TJP1: variants seen among roughly 807,000 people sequenced by gnomAD.
TJP1 encodes tight junction protein ZO-1.
A neutral mutation model predicts 194.2 loss-of-function variants in TJP1; 43 were observed. The ratio of observed to expected loss-of-function variants is 0.22; its 90% CI spans 0.17 to 0.29. TJP1 has a LOEUF of 0.29. Ranked by LOEUF, TJP1 falls within the 10% of genes least tolerant of loss-of-function variation. TJP1 has a pLI of 1.00. For synonymous variants in TJP1, 801 were observed against 779.0 expected (o/e 1.03, Z -0.47); for missense variants, 1,971 against 2,185.7 (o/e 0.90, Z 1.96).
At chr15:29,896,669 G>A (rs1281488302) in intron 2 of TJP1, among the ~76,000 whole-genome samples, 1 of 152,190 alleles carries the variant, frequency 6.6e-6, no homozygotes, top group Admixed American at 6.5e-5. Flanking sequence ...GACAAAAAAT[G>A]CTGATAGTGA....
chr15:29,860,299 C>T (rs1281966791), intron 2 of TJP1, among the ~76,000 whole-genome samples: 2 of 152,120 alleles, frequency 1.3e-5, no homozygotes, highest in South Asian at 2.1e-4. Flanking sequence ...TCCCTGGTTC[C>T]AGGGAGCAGA....
chr15:29,705,462 G>C, intron 26 of TJP1, 66 bp downstream of exon 26: 1 of 1,490,840 alleles, frequency 6.7e-7, no homozygotes, highest in Non-Finnish European at 9.2e-7. Flanking sequence ...AGCACTATAA[G>C]CTCTGAAGTG....
rs765955430 is a variant in TJP1 at position 29,732,729 on chromosome 15, C to T, written c.1823G>A (p.Arg608His). ...TTTTCGAAGATTTCTCTTGGAGCTG[C>T]GAAGACCTCTGAATCTCCAGAAGTC... ...RADFWRFRGLRSSKRNLRKSR... is the reference protein window; with the variant it reads ...RADFWRFRGLHSSKRNLRKSR... The change falls in exon 14 of 28, where the codon CGC becomes CAC. Residue 608 changes from arginine to histidine, a missense_variant. By Grantham distance (29) the Arg-to-His change is conservative (BLOSUM62 0). Coordinates refer to ENST00000614355, the MANE Select transcript of TJP1 (RefSeq NM_001330239.4). The T allele has an allele frequency of 6.2e-7, 1 of 1,614,142 alleles. No homozygotes were observed. The highest frequency in any genetic ancestry group is 8.5e-7 in the Non-Finnish European group (1 of 1,180,028).
chr15:29,741,479 T>G (rs1316917957), intron 9 of TJP1, 43 bp from the exon 10 acceptor site: 1 of 1,368,574 alleles, frequency 7.3e-7, no homozygotes, highest in African/African-American at 1.4e-5. Context: ...TAGAAAAACA[T>G]GGAATAATAA....
At chr15:29,799,276 T>C (rs2048620814) in intron 2 of TJP1, among the ~76,000 whole-genome samples, 2 of 152,318 alleles carry the variant, frequency 1.3e-5, no homozygotes, top group Admixed American at 1.3e-4. Context: ...GATTTAAATA[T>C]GCTACCTATC....
chr15:29,785,778 T>C (rs932390768), intron 2 of TJP1, among the ~76,000 whole-genome samples: 3 of 152,192 alleles, frequency 2.0e-5, no homozygotes, highest in Non-Finnish European at 4.4e-5. Context: ...TAGCCATTTG[T>C]TTTCACAGTG....
intron 2 of TJP1, among the ~76,000 whole-genome samples, chr15:29,884,221 C>T (rs987702732): frequency 5.9e-5 from 9 of 152,158 alleles, no homozygotes; most frequent in Non-Finnish European, 1.0e-4. Flanking sequence ...CTCATGTTAT[C>T]CTTTTAAAAT....
intron 2 of TJP1, among the ~76,000 whole-genome samples, chr15:29,944,084 ATTTAT>A (rs2055187128): frequency 6.6e-6 from 1 of 151,704 alleles, no homozygotes; most frequent in Admixed American, 6.6e-5. Flanking sequence ...TTATTTATTT[ATTTAT>A]TTATTTATTT....
chr15:29,780,083 T>C (rs748968088), intron 2 of TJP1, among the ~76,000 whole-genome samples: 1 of 152,068 alleles, frequency 6.6e-6, no homozygotes, highest in Non-Finnish European at 1.5e-5. Flanking sequence ...TCAACCTCTT[T>C]GGCACCAGGG....
chr15:29,961,395 G>A (rs955235842), intron 1 of TJP1, among the ~76,000 whole-genome samples: 2 of 120,166 alleles, frequency 1.7e-5, no homozygotes, highest in Non-Finnish European at 1.6e-5. Flanking sequence ...AGGCCGGACT[G>A]CGGACTGCAG....
intron 2 of TJP1, among the ~76,000 whole-genome samples, chr15:29,861,515 T>C (rs561795357): frequency 1.3e-5 from 2 of 152,326 alleles, no homozygotes; most frequent in South Asian, 2.1e-4. Context: ...ATTCCAGTAG[T>C]GGAACGCTAG....
intron 15 of TJP1, chr15:29,728,762 A>G (rs2043403943): frequency 6.6e-6 from 1 of 152,244 alleles, no homozygotes; most frequent in African/African-American, 2.4e-5. Flanking sequence ...AGAGATCTGG[A>G]AAGACAAGTC....
intron 2 of TJP1, among the ~76,000 whole-genome samples, chr15:29,919,924 G>C (rs1472205152): frequency 1.3e-5 from 2 of 152,138 alleles, no homozygotes; most frequent in East Asian, 3.9e-4. Flanking sequence ...ACAAGACTCT[G>C]CAAGAGAGAT....
At chr15:29,795,074 C>A (rs2151841403) in intron 2 of TJP1, among the ~76,000 whole-genome samples, 1 of 152,122 alleles carries the variant, frequency 6.6e-6, no homozygotes, top group East Asian at 1.9e-4. Context: ...ATATTATGAA[C>A]AATGTTATAC....
intron 2 of TJP1, among the ~76,000 whole-genome samples, chr15:29,776,813 G>A (rs1350285983): frequency 6.6e-6 from 1 of 152,118 alleles, no homozygotes; most frequent in Non-Finnish European, 1.5e-5. Context: ...AAAAGCTACT[G>A]AGCTTATGGT....
intron 1 of TJP1, among the ~76,000 whole-genome samples, chr15:29,966,327 G>T (rs945944814): frequency 6.6e-6 from 1 of 151,934 alleles, no homozygotes; most frequent in African/African-American, 2.4e-5. Flanking sequence ...ACATGGTAAT[G>T]CCCCATCTGT....
chr15:29,773,265 C>A lies in TJP1; in HGVS notation c.177G>T (p.Val59=), dbSNP rs774428839. 6.2e-7 allele frequency: 1 copy of A among 1,613,974 alleles called. No homozygotes were observed. The highest frequency in any genetic ancestry group is 8.5e-7 in the Non-Finnish European group (1 of 1,179,894). Residue 59 remains valine (V), a synonymous_variant, in exon 3 of 28, where the codon GTG becomes GTT. Transcript: ENST00000614355. ...SGETSIVISD[V]LKGGPAEGQL... ...GTCCTTCAGCTGGTCCTCCTTTCAG[C>A]ACATCTGAAATCACTATTGACGTTT...
At chr15:29,834,038 C>T (rs1452711807) in intron 2 of TJP1, among the ~76,000 whole-genome samples, 11 of 138,254 alleles carry the variant, frequency 8.0e-5, no homozygotes, top group Non-Finnish European at 1.5e-4. Flanking sequence ...CCCGCCACCA[C>T]GCCCGGCTAA....
In TJP1 at chr15:29,734,486, ATC is replaced by A; in HGVS notation, c.1408-106_1408-105del. 3 of 750,712 alleles carry A rather than the reference ATC, an allele frequency of 4.0e-6. 1 individual carries two copies. The highest frequency in any genetic ancestry group is 4.1e-5 in the South Asian group (2 of 49,300). The allele number at this position is 750,712 out of a possible 1,614,324, so 46.5% of individuals were successfully genotyped here. ...AGTCTACCTAATTTGAAAATATCAC[ATC>A]TTTTTTTTTTTTTGAGACAGAGTCT... On this transcript the variant is annotated intron_variant, in intron 11 of 27. Transcript: ENST00000614355.
Sources: allele counts gnomAD v4.1 joint callset (sites outside exome capture counted in the v4.1 genomes callset), GRCh38; gene constraint gnomAD v4.1.1; transcripts MANE v1.5; gene names NCBI Gene and HGNC (gene_info 2026-07-23, HGNC 2026-07-21).